Variants in POLR1B observed in about 807,000 individuals in gnomAD.
The protein encoded by POLR1B is DNA-directed RNA polymerase I subunit RPA2.
Under a neutral mutation model 105.8 loss-of-function variants are expected in POLR1B, and 30 were observed. The observed-to-expected ratio is 0.28, with a 90% CI of 0.21 to 0.38. The LOEUF (loss-of-function observed/expected upper bound fraction) is 0.38, where lower values mean the gene tolerates loss of function less well. Among genes scored for constraint, POLR1B ranks in the 10% least tolerant of loss-of-function variants. POLR1B has a pLI of 1.00. For missense variants in POLR1B, 976 were observed against 1,435.8 expected (o/e 0.68, Z 5.17); for synonymous variants, 485 against 505.1 (o/e 0.96, Z 0.53).
Position 112,577,369 on chromosome 2 carries a change from T to G in POLR1B, c.*1640T>G, listed in dbSNP as rs1684917399. ...AGACTAGCCTGGGCGAGACTTCATC[T>G]CTACAAAAAAAGCAACAACGACAAA... On this transcript the variant is annotated 3_prime_UTR_variant, in exon 15 of 15. Transcript: ENST00000263331. Among the ~76,000 whole-genome samples, 1 of 152,010 alleles carries G rather than the reference T, an allele frequency of 6.6e-6. No individual in the cohort carries two copies. Among genetic ancestry groups the G allele is most frequent in the Non-Finnish European group, 1.5e-5 (1 of 68,004 alleles).
intron 12 of POLR1B, among the ~76,000 whole-genome samples, chr2:112,572,312 C>T (rs1477921064): frequency 1.3e-5 from 2 of 152,122 alleles, no homozygotes; most frequent in Non-Finnish European, 2.9e-5. Flanking sequence ...ACACATAAAT[C>T]GTATCATATT....
At position 112,552,825 on chromosome 2, in the gene POLR1B, A is replaced by G. The variant is rs1683445482; in HGVS notation, c.1158+9A>G. 1.3e-6 allele frequency: 2 copies of G among 1,567,786 alleles called. No homozygotes were observed. Among genetic ancestry groups the G allele is most frequent in the South Asian group, 1.2e-5 (1 of 84,250 alleles). On this transcript the variant is annotated intron_variant, in intron 7 of 14. Transcript: ENST00000263331. The stretch of plus-strand genomic sequence containing the variant: ...TCCTTATGTTCCTGAAGGTAAATGC[A>G]TGCTATGTCCACCCTTGGCCAGTGG...
rs1435845597 is a variant in POLR1B at position 112,578,260 on chromosome 2, A to G, written c.*2531A>G. Among the ~76,000 whole-genome samples, 2 of 151,456 alleles carry G rather than the reference A, an allele frequency of 1.3e-5. No individual in the cohort carries two copies. Among genetic ancestry groups the G allele is most frequent in the Non-Finnish European group, 2.9e-5 (2 of 67,832 alleles). ...ACCTGTGTAGATGGATGAAAACAGCAACATAAGCAAGATACAGAGCTGTTC... is the reference window on the plus strand; with the variant it reads ...ACCTGTGTAGATGGATGAAAACAGCGACATAAGCAAGATACAGAGCTGTTC... On this transcript the variant is annotated 3_prime_UTR_variant, in exon 15 of 15. Coordinates refer to ENST00000263331, the MANE Select transcript of POLR1B (RefSeq NM_019014.6).
At chr2:112,567,935 G>C (rs763055700) in intron 10 of POLR1B, 32 bp from the exon 11 acceptor site, 2 of 1,599,098 alleles carry the variant, frequency 1.3e-6, no homozygotes, top group Non-Finnish European at 1.7e-6. Context: ...CCTTGGGACA[G>C]GTTTGTTAAA....
At chr2:112,566,850 G>A (rs995766536) in intron 10 of POLR1B, among the ~76,000 whole-genome samples, 13 of 151,196 alleles carry the variant, frequency 8.6e-5, no homozygotes, top group African/African-American at 3.2e-4. Flanking sequence ...CTCCTGCCTC[G>A]GTCTCCCAAG....
In POLR1B at chr2:112,568,141, A is replaced by T; in HGVS notation, c.1917+4A>T. Reference sequence around the variant, plus strand: ...GCTAATTGGAACTATGGAACAGGTAAATACATATGTGTGATGGATGAGTGT... The same window carrying T: ...GCTAATTGGAACTATGGAACAGGTATATACATATGTGTGATGGATGAGTGT... On this transcript the variant is annotated splice_donor_region_variant and intron_variant, in intron 11 of 14. Transcript: ENST00000263331. The T allele has an allele frequency of 6.2e-7, 1 of 1,611,206 alleles. No homozygotes were observed.
chr2:112,563,915 T>A (rs1438551168), intron 9 of POLR1B, among the ~76,000 whole-genome samples: 1 of 151,484 alleles, frequency 6.6e-6, no homozygotes, highest in Non-Finnish European at 1.5e-5. Flanking sequence ...AACAAACCCA[T>A]TTTTTTTGCT....
intron 3 of POLR1B, among the ~76,000 whole-genome samples, chr2:112,548,635 C>T (rs1241035921): frequency 1.6e-4 from 24 of 146,912 alleles, no homozygotes; most frequent in Admixed American, 3.4e-4. Flanking sequence ...TTTTTTGAGA[C>T]GGAGTCTCCC....
chr2:112,546,215 A>G (rs1683033647), intron 1 of POLR1B, among the ~76,000 whole-genome samples: 1 of 152,056 alleles, frequency 6.6e-6, no homozygotes, highest in South Asian at 2.1e-4. Flanking sequence ...GGAAGGGGAA[A>G]CCCAGCCTGG....
Position 112,577,831 on chromosome 2 carries a change from C to CAA in POLR1B, c.*2122_*2123dup, listed in dbSNP as rs3980076. Among the ~76,000 whole-genome samples the CAA allele has an allele frequency of 3.7e-4, 37 of 100,272 alleles. No individual in the cohort carries two copies. Among genetic ancestry groups the CAA allele is most frequent in the Middle Eastern group, 4.9e-3 (1 of 206 alleles). The allele number at this position is 100,272 out of a possible 152,430, so 65.8% of individuals were successfully genotyped here. On this transcript the variant is annotated 3_prime_UTR_variant, in exon 15 of 15. Transcript: ENST00000263331. ...TGGGCGACAGAATGAGACCCTGTCT[C>CAA]AAAAAAAAAAAAAAAAAAAAAGCGG... is the stretch of plus-strand genomic sequence containing the variant.
intron 1 of POLR1B, among the ~76,000 whole-genome samples, chr2:112,545,452 C>T (rs910234586): frequency 1.3e-5 from 2 of 152,052 alleles, no homozygotes; most frequent in African/African-American, 4.8e-5. Flanking sequence ...GAAATGTGAC[C>T]AGAGGCTCGC....
chr2:112,554,196 G>A (rs764019720), intron 7 of POLR1B, among the ~76,000 whole-genome samples: 3 of 151,876 alleles, frequency 2.0e-5, no homozygotes, highest in Non-Finnish European at 2.9e-5. Context: ...GCAGTGCTAC[G>A]ATCTCAGCTC....
chr2:112,559,962 G>A (rs1314455376), intron 9 of POLR1B, among the ~76,000 whole-genome samples: 1 of 152,066 alleles, frequency 6.6e-6, no homozygotes. Context: ...GTTAAGTTGT[G>A]CTGCTTTTGG....
Position 112,563,660 on chromosome 2 carries a change from G to C in POLR1B, c.1613-706G>C, listed in dbSNP as rs1684126063. On this transcript the variant is annotated intron_variant, in intron 9 of 14. Coordinates refer to ENST00000263331, the MANE Select transcript of POLR1B (RefSeq NM_019014.6). ...GGCCTGTAATTCCAGCACTTTGGGAGGCCAAGGCGAGAGGATTGCTTGAGC... is the reference window on the plus strand; with the variant it reads ...GGCCTGTAATTCCAGCACTTTGGGACGCCAAGGCGAGAGGATTGCTTGAGC... 2.0e-5 allele frequency among the ~76,000 whole-genome samples: 3 copies of C among 152,138 alleles called. 1 individual carries two copies. Among genetic ancestry groups the C allele is most frequent in the Admixed American group, 2.0e-4 (3 of 15,272 alleles).
At chr2:112,555,164 G>A (rs568210579) in intron 7 of POLR1B, among the ~76,000 whole-genome samples, 2 of 152,150 alleles carry the variant, frequency 1.3e-5, no homozygotes, top group Admixed American at 6.5e-5. Context: ...CTGGGCGACA[G>A]AGCAAGACCC....
intron 9 of POLR1B, among the ~76,000 whole-genome samples, chr2:112,563,394 A>G (rs972502381): frequency 1.3e-5 from 2 of 152,142 alleles, no homozygotes; most frequent in Non-Finnish European, 2.9e-5. Context: ...TGCGACACCA[A>G]TTGCATCTTC....
At chr2:112,542,300 G>C, upstream of POLR1B, 2 of 1,528,394 alleles carry the variant, frequency 1.3e-6, no homozygotes, top group East Asian at 4.9e-5. Flanking sequence ...TAATCGGCCC[G>C]TTCACTCGAC....
At position 112,550,900 on chromosome 2, in the gene POLR1B, C is replaced by A. The variant is rs144737583; in HGVS notation, c.660C>A (p.Ser220=). 3.7e-6 allele frequency: 6 copies of A among 1,613,974 alleles called. No individual in the cohort carries two copies. Among genetic ancestry groups the A allele is most frequent in the Admixed American group, 1.7e-5 (1 of 60,024 alleles). Residue 220 remains serine (S), a synonymous_variant, in exon 5 of 15, where the codon TCC becomes TCA. Transcript: ENST00000263331. ...TGCACTGTGTGAGGGAAGAACATTC[C>A]GCTGTCAATATGAACCTCCACTACT... ...VSMHCVREEH[S]AVNMNLHYLE...
upstream of POLR1B, chr2:112,542,332 C>T (rs1682791549): frequency 6.5e-7 from 1 of 1,540,188 alleles, no homozygotes; most frequent in South Asian, 1.2e-5. Flanking sequence ...TACGTTGACC[C>T]CGAGAAACCG....
Sources: gnomAD v4.1 joint callset for allele counts (sites outside exome capture counted in the v4.1 genomes callset) on GRCh38, gnomAD v4.1.1 for gene constraint, MANE v1.5 for transcripts, NCBI Gene and HGNC (gene_info 2026-07-23, HGNC 2026-07-21) for gene names.